Variants in TENM3 observed in about 807,000 individuals in gnomAD.
TENM3 encodes the protein teneurin-3.
Under a neutral mutation model 255.1 loss-of-function variants are expected in TENM3, and 63 were observed. The observed-to-expected ratio is 0.25, with a 90% confidence interval of 0.20 to 0.30. TENM3 has a LOEUF of 0.30. Among genes scored for constraint, TENM3 ranks in the 10% least tolerant of loss-of-function variants. TENM3 has a pLI of 1.00. For synonymous variants in TENM3, 1,306 were observed against 1,322.3 expected (o/e 0.99, Z 0.27); for missense variants, 2,929 against 3,461.1 (o/e 0.85, Z 3.86).
At chr4:182,045,374 T>C in the TENM3 span, among the ~76,000 whole-genome samples, 1,847 of 150,024 alleles carry the variant, frequency 0.012, 48 homozygotes, top group African/African-American at 0.043. Flanking sequence ...ACGATGTCCA[T>C]GTCTGTATCC....
intron 12 of TENM3, among the ~76,000 whole-genome samples, chr4:182,689,822 A>G (rs1756878231): frequency 2.6e-5 from 4 of 152,248 alleles, no homozygotes; most frequent in Admixed American, 1.3e-4. Context: ...ACACAAATTC[A>G]TAAACTTTCT....
chr4:181,510,642 C>T, the TENM3 span, among the ~76,000 whole-genome samples: 1 of 152,222 alleles, frequency 6.6e-6, no homozygotes, highest in Admixed American at 6.5e-5. Context: ...AAGGAAATGA[C>T]CCCGTTCTTT....
At chr4:182,285,766 A>C (rs552533681) in intron 1 of TENM3, among the ~76,000 whole-genome samples, 1 of 152,296 alleles carries the variant, frequency 6.6e-6, no homozygotes, top group South Asian at 2.1e-4. Flanking sequence ...GTGTGCGTGG[A>C]GCTACCAGAG....
chr4:182,159,679 G>A (rs561070429), intron 1 of TENM3, among the ~76,000 whole-genome samples: 5 of 152,194 alleles, frequency 3.3e-5, no homozygotes, highest in East Asian at 3.9e-4. Flanking sequence ...CATTAGAAGC[G>A]CTCAGCTCAA....
At chr4:181,468,132 CA>C in the TENM3 span, among the ~76,000 whole-genome samples, 1,588 of 130,698 alleles carry the variant, frequency 0.012, 45 homozygotes, top group East Asian at 0.099. Context: ...CCCATCTGTA[CA>C]AAAAAAAAAA....
chr4:182,537,683 T>C (rs1009343738), intron 3 of TENM3, among the ~76,000 whole-genome samples: 2 of 152,212 alleles, frequency 1.3e-5, no homozygotes, highest in African/African-American at 4.8e-5. Context: ...TCATTGCCTC[T>C]AGTAATTCTA....
chr4:181,618,405 A>T, the TENM3 span, among the ~76,000 whole-genome samples: 1 of 152,214 alleles, frequency 6.6e-6, no homozygotes, highest in Non-Finnish European at 1.5e-5. Context: ...TCACTGCTGG[A>T]AAAGGCAGTC....
chr4:181,879,020 C>G, the TENM3 span, among the ~76,000 whole-genome samples: 1 of 152,140 alleles, frequency 6.6e-6, no homozygotes, highest in African/African-American at 2.4e-5. Context: ...CAGATCAACT[C>G]CTTACTTAGT....
chr4:181,578,248 C>G, the TENM3 span, among the ~76,000 whole-genome samples: 10 of 129,396 alleles, frequency 7.7e-5, no homozygotes, highest in Non-Finnish European at 1.5e-4. Context: ...GTTTGTTTTC[C>G]CTCTTGGCCC....
chr4:182,629,855 T>C (rs1489036408), intron 5 of TENM3, among the ~76,000 whole-genome samples: 2 of 152,212 alleles, frequency 1.3e-5, no homozygotes, highest in African/African-American at 4.8e-5. Flanking sequence ...GTGATATAAT[T>C]ATGCACTTTG....
At chr4:182,056,001 A>G in the TENM3 span, among the ~76,000 whole-genome samples, 2 of 152,170 alleles carry the variant, frequency 1.3e-5, no homozygotes, top group Non-Finnish European at 2.9e-5. Flanking sequence ...TTGGTTTTAT[A>G]AAAGAACAGT....
In TENM3 at chr4:182,789,284, C is replaced by T; in HGVS notation, c.5496C>T (p.Ile1832=). Residue 1832 remains isoleucine (I), a synonymous_variant, in exon 25 of 28, where the codon ATC becomes ATT. Coordinates refer to ENST00000511685, the MANE Select transcript of TENM3 (RefSeq NM_001080477.4). This position sits in a 1 kb window ranked among gnomAD's most constrained non-coding sequence, Gnocchi z 4.4. ...CATCCACAGGTCAAATTGCCAGCAT[C>T]CAGCGAGGCACCACTAGCGAGAAAG... ...TYSSTGQIAS[I]QRGTTSEKVD... 1 of 1,613,794 alleles carries T rather than the reference C, an allele frequency of 6.2e-7. No individual in the cohort carries two copies. Among genetic ancestry groups the T allele is most frequent in the East Asian group, 2.2e-5 (1 of 44,876 alleles).
At chr4:182,714,306 A>T in intron 13 of TENM3, 73 bp downstream of exon 13, 2 of 423,708 alleles carry the variant, frequency 4.7e-6, no homozygotes, top group Non-Finnish European at 6.7e-6. Context: ...GTACATAGAT[A>T]TCTGTTGCCA....
chr4:182,681,487 T>A (rs1384399229), intron 10 of TENM3, among the ~76,000 whole-genome samples: 1 of 152,152 alleles, frequency 6.6e-6, no homozygotes, highest in Non-Finnish European at 1.5e-5. Context: ...TGGTCACAGA[T>A]TTTGTTATAG....
the TENM3 span, among the ~76,000 whole-genome samples, chr4:181,496,332 C>T: frequency 8.4e-6 from 1 of 119,514 alleles, no homozygotes; most frequent in Non-Finnish European, 1.5e-5. Flanking sequence ...ATAGTGCTTG[C>T]ACATTTATGA....
chr4:181,751,829 T>C, the TENM3 span, among the ~76,000 whole-genome samples: 1 of 152,178 alleles, frequency 6.6e-6, no homozygotes, highest in East Asian at 1.9e-4. Context: ...TGAGAATTTT[T>C]GTCATGATCT....
chr4:182,415,541 A>G (rs1329554487), intron 3 of TENM3, among the ~76,000 whole-genome samples: 1 of 152,116 alleles, frequency 6.6e-6, no homozygotes, highest in Non-Finnish European at 1.5e-5. Context: ...TTCCTTTGGC[A>G]TGATAAGAGA....
intron 3 of TENM3, among the ~76,000 whole-genome samples, chr4:182,357,661 G>C (rs966815111): frequency 5.3e-5 from 8 of 150,960 alleles, no homozygotes; most frequent in African/African-American, 2.0e-4. Context: ...CTCCCATTTT[G>C]TGGGTTGCCT....
chr4:182,570,845 A>G (rs1744287530), intron 3 of TENM3, among the ~76,000 whole-genome samples: 1 of 151,628 alleles, frequency 6.6e-6, no homozygotes, highest in Non-Finnish European at 1.5e-5. Context: ...AAAAAACAAA[A>G]CAAACAAACT....
Sources: gnomAD v4.1 joint callset for allele counts (sites outside exome capture counted in the v4.1 genomes callset) on GRCh38, gnomAD v4.1.1 for gene constraint, Gnocchi (gnomAD v3.1) non-coding constraint, MANE v1.5 for transcripts, NCBI Gene and HGNC (gene_info 2026-07-23, HGNC 2026-07-21) for gene names.